The following C1orf54 variants were observed in gnomAD, a reference collection of about 807,000 sequenced individuals.
C1orf54 encodes the protein chromosome 1 open reading frame 54.
C1orf54 carries 12 observed loss-of-function variants against 14.7 expected under a neutral mutation model. The ratio of observed to expected loss-of-function variants is 0.82; its 90% CI spans 0.52 to 1.32. The LOEUF (loss-of-function observed/expected upper bound fraction) is 1.32. Ranked by LOEUF, C1orf54 falls within the 40% of genes most tolerant of loss-of-function variation. The probability of loss-of-function intolerance (pLI) is 0.00; values close to 1 mark genes in which losing one functional copy is unlikely to be tolerated. For synonymous variants in C1orf54, 65 were observed against 56.3 expected (o/e 1.16, Z -0.70); for missense variants, 163 against 162.2 (o/e 1.00, Z -0.03).
chr1:150,276,491 C>T (rs782258005), intron 3 of C1orf54, 31 bp from the exon 4 acceptor site: 22 of 1,550,252 alleles, frequency 1.4e-5, no homozygotes, highest in African/African-American at 6.8e-5. Flanking sequence ...AAACTGATAA[C>T]TCTGTGTTTC....
intron 1 of C1orf54, among the ~76,000 whole-genome samples, chr1:150,273,194 G>A (rs1553851660): frequency 1.3e-5 from 2 of 152,178 alleles, no homozygotes; most frequent in East Asian, 3.8e-4. Flanking sequence ...ATTGGAAGGT[G>A]TCACAGTCTG....
upstream of C1orf54, chr1:150,268,941 C>G: frequency 1.4e-6 from 1 of 728,994 alleles, no homozygotes; most frequent in Non-Finnish European, 2.3e-6. Context: ...CACCCCCAGA[C>G]CCCGGGGAAG....
Position 150,275,720 on chromosome 1 carries a change from GA to G in C1orf54, c.131-20del. 1 of 1,586,954 alleles carries G rather than the reference GA, an allele frequency of 6.3e-7. No individual in the cohort carries two copies. Among genetic ancestry groups the G allele is most frequent in the Non-Finnish European group, 8.6e-7 (1 of 1,158,140 alleles). Reference sequence around the variant, plus strand: ...GTTACATTTTTCTTTAATTATTACTGATTTTCTTTCTCCTCTGCAGATGACT... The same window carrying G: ...GTTACATTTTTCTTTAATTATTACTGTTTTCTTTCTCCTCTGCAGATGACT... On this transcript the variant is annotated intron_variant, in intron 2 of 5. Transcript: ENST00000369099.
rs782162138 is a variant in C1orf54, at chr1:150,275,717, A to C, written c.131-24A>C. ...AGAGTTACATTTTTCTTTAATTATT[A>C]CTGATTTTCTTTCTCCTCTGCAGAT... On this transcript the variant is annotated intron_variant, in intron 2 of 5. Coordinates refer to ENST00000369099, the MANE Select transcript of C1orf54 (RefSeq NM_024579.4). 3 of 1,577,200 alleles carry C rather than the reference A, an allele frequency of 1.9e-6. No individual in the cohort carries two copies. The South Asian group carries it at 3.4e-5, about 18-fold the overall frequency.
At chr1:150,274,629 T>C (rs1337672492) in intron 2 of C1orf54, among the ~76,000 whole-genome samples, 2 of 133,910 alleles carry the variant, frequency 1.5e-5, no homozygotes, top group Non-Finnish European at 3.2e-5. Flanking sequence ...AGATTTATGA[T>C]GGGCTGGGCG....
At chr1:150,279,911 T>C (rs1412484096) in intron 5 of C1orf54, among the ~76,000 whole-genome samples, 170 bp downstream of exon 5, 1 of 152,136 alleles carries the variant, frequency 6.6e-6, no homozygotes, top group African/African-American at 2.4e-5. Context: ...CCCAGCACTT[T>C]GGGATGGTGA....
At position 150,276,625 on chromosome 1, in the gene C1orf54, C is replaced by T. The variant is rs782785681; in HGVS notation, c.293C>T (p.Thr98Met). Residue 98 changes from threonine (T) to methionine (M), a missense_variant, in exon 4 of 6, where the codon ACG becomes ATG. By Grantham distance (81) the Thr-to-Met change is moderately conservative. Transcript: ENST00000369099. ...PKPVTVKPVTTEPSPDLNDAV... is the reference protein window; with the variant it reads ...PKPVTVKPVTMEPSPDLNDAV... ...CCTGTAACTGTGAAACCAGTAACAA[C>T]GGAACCTGTGAGTTGATTGGGGATT... is the stretch of plus-strand genomic sequence containing the variant. The T allele has an allele frequency of 3.7e-6, 6 of 1,612,760 alleles. No homozygotes were observed. Among genetic ancestry groups the T allele is most frequent in the Middle Eastern group, 1.6e-4 (1 of 6,062 alleles).
At chr1:150,268,738 C>T (rs782313192), upstream of C1orf54, 1 of 1,613,808 alleles carries the variant, frequency 6.2e-7, no homozygotes, top group Admixed American at 1.7e-5. Context: ...TCCCCAGCCA[C>T]AGTGATCAAG....
At chr1:150,269,095 G>T, upstream of C1orf54, 1 of 364,704 alleles carries the variant, frequency 2.7e-6, no homozygotes, top group Non-Finnish European at 5.3e-6. Context: ...GAATCAGCGC[G>T]GGCGGAGCTG....
chr1:150,272,278 C>G (rs1176974231), upstream of C1orf54: 4 of 157,148 alleles, frequency 2.5e-5, no homozygotes, highest in African/African-American at 7.2e-5. Flanking sequence ...TTCCTATTCT[C>G]TATAGCTCCA....
At chr1:150,278,033 G>A (rs1416857468) in intron 4 of C1orf54, among the ~76,000 whole-genome samples, 1 of 151,930 alleles carries the variant, frequency 6.6e-6, no homozygotes, top group Admixed American at 6.6e-5. Flanking sequence ...GGAGGCGGAG[G>A]TTGCAGTGAG....
intron 1 of C1orf54, among the ~76,000 whole-genome samples, chr1:150,273,120 G>A (rs1487509194): frequency 6.6e-6 from 1 of 152,196 alleles, no homozygotes. Context: ...ACTGAGCTCA[G>A]TTCTCCATCA....
At chr1:150,269,177 A>C, upstream of C1orf54, 2 of 231,022 alleles carry the variant, frequency 8.7e-6, no homozygotes, top group Non-Finnish European at 9.0e-6. Context: ...GAGCCGGTTA[A>C]TGGGGGTGGG....
chr1:150,271,472 T>A (rs1451812490), upstream of C1orf54, among the ~76,000 whole-genome samples: 1 of 152,238 alleles, frequency 6.6e-6, no homozygotes, highest in Non-Finnish European at 1.5e-5. Flanking sequence ...TAAACCTATC[T>A]TGTTCATGGG....
intron 3 of C1orf54, among the ~76,000 whole-genome samples, 167 bp downstream of exon 3, chr1:150,275,966 G>A (rs915067141): frequency 4.6e-5 from 7 of 151,998 alleles, no homozygotes; most frequent in South Asian, 2.1e-4. Flanking sequence ...GTGAAACCCC[G>A]TCTCTACTAA....
Position 150,275,819 on chromosome 1 carries a change from A to G in C1orf54, c.189+20A>G. 2 of 1,593,078 alleles carry G rather than the reference A, an allele frequency of 1.3e-6. No individual in the cohort carries two copies. Among genetic ancestry groups the G allele is most frequent in the East Asian group, 2.2e-5 (1 of 44,734 alleles). Reference sequence around the variant, plus strand: ...AGGCTGGTGAGTGAACTCTACATCTAAAAGGGTTAGGATAAGTAACAATTA... The same window carrying G: ...AGGCTGGTGAGTGAACTCTACATCTGAAAGGGTTAGGATAAGTAACAATTA... On this transcript the variant is annotated intron_variant, in intron 3 of 5. Coordinates refer to ENST00000369099, the MANE Select transcript of C1orf54 (RefSeq NM_024579.4).
At chr1:150,276,423 G>C in intron 3 of C1orf54, 99 bp from the exon 4 acceptor site, 1 of 909,760 alleles carries the variant, frequency 1.1e-6, no homozygotes, top group Non-Finnish European at 1.8e-6. Flanking sequence ...TTTGGGCTGG[G>C]TGGAGGTGGT....
intron 2 of C1orf54, among the ~76,000 whole-genome samples, chr1:150,274,913 A>AC (rs1553852099): frequency 1.9e-3 from 3 of 1,582 alleles, no homozygotes; most frequent in South Asian, 0.25. Context: ...ACTACGTCAC[A>AC]AAAAAAAAAA....
At position 150,279,742 on chromosome 1, in the gene C1orf54, G is replaced by GT; in HGVS notation, c.*3+2dup. 1 of 1,608,538 alleles carries GT rather than the reference G, an allele frequency of 6.2e-7. No homozygotes were observed. The highest frequency in any genetic ancestry group is 1.1e-5 in the South Asian group (1 of 90,440). On this transcript the variant is annotated splice_donor_variant, in intron 5 of 5. Transcript: ENST00000369099. LOFTEE classifies it low-confidence loss of function (3UTR_SPLICE). ...GGTGGGGATGTATTTCATGTAGAAGGTAAGAGTGCAGCCACTGGCTTTGGG... is the reference window on the plus strand; with the variant it reads ...GGTGGGGATGTATTTCATGTAGAAGGTTAAGAGTGCAGCCACTGGCTTTGGG...
Sources: allele counts gnomAD v4.1 joint callset (sites outside exome capture counted in the v4.1 genomes callset), GRCh38; gene constraint gnomAD v4.1.1; transcripts MANE v1.5; gene names NCBI Gene and HGNC (gene_info 2026-07-23, HGNC 2026-07-21).